Variants in TMX4 observed in about 807,000 individuals in gnomAD.
TMX4 encodes thioredoxin related transmembrane protein 4, also known as thioredoxin-related transmembrane protein 4.
A neutral mutation model predicts 33.3 loss-of-function variants in TMX4; 23 were observed. The observed-to-expected ratio is 0.69, with a 90% CI of 0.50 to 0.98. TMX4 has a LOEUF of 0.98. Among genes scored for constraint, TMX4 ranks in the 50% least tolerant of loss-of-function variants. The pLI is 0.00. For synonymous variants in TMX4, 164 were observed against 161.5 expected (o/e 1.02, Z -0.12); for missense variants, 399 against 448.9 (o/e 0.89, Z 1.01).
In TMX4 at chr20:7,980,572, C is replaced by G. The variant is rs567830227; in HGVS notation, c.*1679G>C. 6.6e-6 allele frequency: 1 copy of G among 152,446 alleles called. No homozygotes were observed. The highest frequency in any genetic ancestry group is 1.9e-4 in the East Asian group (1 of 5,178). The allele number at this position is 152,446 out of a possible 1,614,324, so 9.4% of individuals were successfully genotyped here. Reference sequence around the variant, plus strand: ...ACATGGCAAGGTTCTCCCAGCCCATCAGCCCAGTGATGGCCTCGATTTTGA... The same window carrying G: ...ACATGGCAAGGTTCTCCCAGCCCATGAGCCCAGTGATGGCCTCGATTTTGA... On this transcript the variant is annotated 3_prime_UTR_variant, in exon 8 of 8. Coordinates refer to ENST00000246024, the MANE Select transcript of TMX4 (RefSeq NM_021156.4).
rs2050673928 is a variant in TMX4 at position 7,995,881 on chromosome 20, C to T, written c.513+145G>A. 8 of 654,498 alleles carry T rather than the reference C, an allele frequency of 1.2e-5. No homozygotes were observed. In the South Asian group the frequency reaches 1.7e-4, roughly 14 times the overall value. The allele number at this position is 654,498 out of a possible 1,614,324, so 40.5% of individuals were successfully genotyped here. A position where few individuals can be genotyped will look rare whatever the true frequency, so the allele number is the denominator to read the frequency against. ...TACATGACGACATTACCACTGGAAA[C>T]CCCACATGAGAGTAGTTGCATGGCT... On this transcript the variant is annotated intron_variant, in intron 5 of 7. Coordinates refer to ENST00000246024, the MANE Select transcript of TMX4 (RefSeq NM_021156.4).
rs1396541020 is a variant in TMX4 at position 7,979,043 on chromosome 20, G to A, written c.*3208C>T. On this transcript the variant is annotated 3_prime_UTR_variant, in exon 8 of 8. Coordinates refer to ENST00000246024, the MANE Select transcript of TMX4 (RefSeq NM_021156.4). ...AATACCATTCTGTGACTAAATAACT[G>A]ATACTGCAATAGAGGGAAGCATGAT... is the stretch of plus-strand genomic sequence containing the variant. The A allele has an allele frequency of 6.6e-6, 1 of 150,994 alleles. No individual in the cohort carries two copies. The highest frequency in any genetic ancestry group is 2.4e-5 in the African/African-American group (1 of 41,090). 9.4% of individuals were successfully genotyped at this position (150,994 alleles called of 1,614,324 possible).
intron 6 of TMX4, among the ~76,000 whole-genome samples, chr20:7,985,907 C>T (rs1261210807): frequency 6.6e-6 from 1 of 152,126 alleles, no homozygotes; most frequent in Non-Finnish European, 1.5e-5. Flanking sequence ...TTAAAGTCAA[C>T]ATCAAAAATA....
chr20:7,991,903 A>G (rs1184768744), intron 5 of TMX4, among the ~76,000 whole-genome samples: 1 of 142,980 alleles, frequency 7.0e-6, no homozygotes, highest in Non-Finnish European at 1.5e-5. Context: ...CTGGAAGAGA[A>G]GGATAGTGCC....
At chr20:8,017,679 G>A (rs2050781809) in intron 1 of TMX4, among the ~76,000 whole-genome samples, 1 of 152,164 alleles carries the variant, frequency 6.6e-6, no homozygotes, top group Admixed American at 6.5e-5. Flanking sequence ...ATGACATCTA[G>A]GAAAAAGTCC....
chr20:8,001,457 T>G, intron 3 of TMX4, 39 bp downstream of exon 3: 1 of 1,556,222 alleles, frequency 6.4e-7, no homozygotes, highest in South Asian at 1.2e-5. Flanking sequence ...ATCTATTGAT[T>G]TCTAATATTT....
rs1047808610 is a variant in TMX4, at chr20:7,979,212, C to T, written c.*3039G>A. The T allele has an allele frequency of 6.6e-6, 1 of 151,822 alleles. No homozygotes were observed. The highest frequency in any genetic ancestry group is 1.5e-5 in the Non-Finnish European group (1 of 68,000). The allele number at this position is 151,822 out of a possible 1,614,324, so 9.4% of individuals were successfully genotyped here. A position where few individuals can be genotyped will look rare whatever the true frequency, so the allele number is the denominator to read the frequency against. On this transcript the variant is annotated 3_prime_UTR_variant, in exon 8 of 8. Transcript: ENST00000246024. The stretch of plus-strand genomic sequence containing the variant: ...TAAAGTTTAAATTATTTCAGGTTGG[C>T]TTTTCTCCTTTAGTTTTATATTCAT...
intron 4 of TMX4, among the ~76,000 whole-genome samples, chr20:7,997,600 T>A (rs1160693541): frequency 1.3e-5 from 2 of 151,828 alleles, no homozygotes; most frequent in Non-Finnish European, 2.9e-5. Flanking sequence ...AAAATTCAAA[T>A]GTTTAGCCAA....
Position 7,982,459 on chromosome 20 carries a change from T to C in TMX4, c.842A>G (p.Glu281Gly), listed in dbSNP as rs2050611259. Reference protein sequence around the residue: ...GDEDEAEEEEEEDNLAAGVDE... With the variant: ...GDEDEAEEEEGEDNLAAGVDE... The stretch of plus-strand genomic sequence containing the variant: ...CACACCAGCAGCCAAGTTGTCCTCC[T>C]CCTCTTCTTCCTCTGCTTCATCCTC... The change falls in exon 8 of 8, where the codon GAG becomes GGG. Residue 281 changes from glutamate (E) to glycine (G), a missense_variant. By Grantham distance (98) the Glu-to-Gly change is moderately conservative. Coordinates refer to ENST00000246024, the MANE Select transcript of TMX4 (RefSeq NM_021156.4). The C allele has an allele frequency of 1.2e-6, 2 of 1,614,110 alleles. No homozygotes were observed. The highest frequency in any genetic ancestry group is 3.3e-5 in the Admixed American group (2 of 60,002).
At chr20:8,016,383 T>C (rs1008188503) in intron 1 of TMX4, among the ~76,000 whole-genome samples, 8 of 152,148 alleles carry the variant, frequency 5.3e-5, no homozygotes, top group African/African-American at 1.4e-4. Flanking sequence ...AAAATAATAA[T>C]AACAACAATA....
intron 7 of TMX4, 59 bp from the exon 8 acceptor site, chr20:7,982,680 T>C (rs2050613861): frequency 2.0e-6 from 3 of 1,511,826 alleles, no homozygotes; most frequent in South Asian, 1.3e-5. Context: ...CGGTAATCAA[T>C]TGAGTGTGTT....
chr20:7,999,956 G>A (rs574152539), intron 3 of TMX4, 96 bp from the exon 4 acceptor site: 38 of 1,316,854 alleles, frequency 2.9e-5, no homozygotes, highest in East Asian at 5.1e-5. Context: ...ACATCTGAAC[G>A]CCATCTGAAC....
At chr20:8,018,970 C>G (rs765164515) in intron 1 of TMX4, 4 of 439,476 alleles carry the variant, frequency 9.1e-6, no homozygotes, top group South Asian at 6.4e-5. Flanking sequence ...ACTTGCTTAG[C>G]CTGTGCTACG....
At chr20:7,997,596 C>A (rs1361472736) in intron 4 of TMX4, among the ~76,000 whole-genome samples, 1 of 151,670 alleles carries the variant, frequency 6.6e-6, no homozygotes, top group African/African-American at 2.4e-5. Flanking sequence ...TAAAAAAATT[C>A]AAATGTTTAG....
chr20:7,993,555 G>A (rs183225643), intron 5 of TMX4, among the ~76,000 whole-genome samples: 12 of 152,252 alleles, frequency 7.9e-5, no homozygotes, highest in Admixed American at 7.8e-4. Context: ...GAGACCTGAT[G>A]GGTAGCCAAG....
chr20:8,019,419 G>A lies in TMX4; in HGVS notation c.176+19C>T. Reference sequence around the variant, plus strand: ...CCCGCGAGGACACTGCGGCGTCCGGGGCGGGCGGGCACACTCACAATTTCA... The same window carrying A: ...CCCGCGAGGACACTGCGGCGTCCGGAGCGGGCGGGCACACTCACAATTTCA... On this transcript the variant is annotated intron_variant, in intron 1 of 7. Transcript: ENST00000246024. 6.6e-7 allele frequency: 1 copy of A among 1,512,844 alleles called. No homozygotes were observed. The highest frequency in any genetic ancestry group is 8.9e-7 in the Non-Finnish European group (1 of 1,129,728). 93.7% of individuals were successfully genotyped at this position (1,512,844 alleles called of 1,614,324 possible). A position where few individuals can be genotyped will look rare whatever the true frequency, so the allele number is the denominator to read the frequency against.
At chr20:7,995,360 G>A (rs1057011979) in intron 5 of TMX4, among the ~76,000 whole-genome samples, 4 of 152,140 alleles carry the variant, frequency 2.6e-5, no homozygotes, top group African/African-American at 7.2e-5. Context: ...GAAATAAAAG[G>A]TTATGGGACA....
intron 6 of TMX4, among the ~76,000 whole-genome samples, chr20:7,985,856 T>C (rs1330266038): frequency 6.6e-6 from 1 of 152,178 alleles, no homozygotes; most frequent in African/African-American, 2.4e-5. Context: ...TCCAAAGGAA[T>C]CTAAGGCATA....
At position 7,987,367 on chromosome 20, in the gene TMX4, A is replaced by G; in HGVS notation, c.536T>C (p.Val179Ala). Reference sequence around the variant, plus strand: ...ACACCAAGCAGGAATTCCAAGAGTCACTGTGAAATAGTTGTGAAGATGCTG... The same window carrying G: ...ACACCAAGCAGGAATTCCAAGAGTCGCTGTGAAATAGTTGTGAAGATGCTG... Reference protein sequence around the residue: ...KIWHLHNYFTVTLGIPAWCSY... With the variant: ...KIWHLHNYFTATLGIPAWCSY... The change falls in exon 6 of 8, where the codon GTG becomes GCG. Residue 179 changes from valine to alanine, a missense_variant. Val to Ala is a moderately conservative substitution (Grantham distance 64). Transcript: ENST00000246024. 1 of 1,591,094 alleles carries G rather than the reference A, an allele frequency of 6.3e-7. No homozygotes were observed. Among genetic ancestry groups the G allele is most frequent in the African/African-American group, 1.4e-5 (1 of 73,582 alleles).
Sources: allele counts gnomAD v4.1 joint callset (sites outside exome capture counted in the v4.1 genomes callset), GRCh38; gene constraint gnomAD v4.1.1; transcripts MANE v1.5; gene names NCBI Gene and HGNC (gene_info 2026-07-23, HGNC 2026-07-21).